The following CPB2 variants were observed in gnomAD, a reference collection of about 807,000 sequenced individuals.
CPB2 encodes the protein carboxypeptidase B-like protein.
In CPB2, 54 loss-of-function variants were observed where a neutral mutation model predicts 57.0. The ratio of observed to expected loss-of-function variants is 0.95; its 90% CI spans 0.76 to 1.19. The LOEUF (loss-of-function observed/expected upper bound fraction) is 1.19, where lower values mean the gene tolerates loss of function less well. CPB2 is among the 50% of genes most tolerant of loss of function. The probability of loss-of-function intolerance (pLI) is 0.00; values close to 1 mark genes in which losing one functional copy is unlikely to be tolerated. For missense variants in CPB2, 426 were observed against 512.0 expected, an observed-to-expected ratio of 0.83 and a Z score of 1.62; for synonymous variants, 189 against 178.1, an observed-to-expected ratio of 1.06 and a Z score of -0.49.
rs139468136 is a variant in CPB2, at chr13:46,058,334, A to G, written c.844T>C (p.Tyr282His). 1.9e-6 allele frequency: 3 copies of G among 1,613,968 alleles called. No individual in the cohort carries two copies. In the African/African-American group the frequency reaches 4.0e-5, roughly 22 times the overall value. ...SSCSETYCGL[Y>H]PESEPEVKAV... ...TTCACTTCTGGTTCTGACTCAGGAT[A>G]AAGTCCACAGTAGGTTTCCGAGCAT... Residue 282 changes from tyrosine (Y) to histidine (H), a missense_variant, in exon 9 of 11, where the codon TAT becomes CAT. Coordinates refer to ENST00000181383, the MANE Select transcript of CPB2 (RefSeq NM_001872.5).
In CPB2 at chr13:46,089,660, G is replaced by A. The variant is rs17844183; in HGVS notation, c.75-1840C>T. Among the ~76,000 whole-genome samples, 1,370 of 152,252 alleles carry A rather than the reference G, an allele frequency of 9.0e-3. 21 individuals carry two copies. Among genetic ancestry groups the A allele is most frequent in the African/African-American group, 0.032 (1,318 of 41,524 alleles). On this transcript the variant is annotated intron_variant, in intron 1 of 10. Coordinates refer to ENST00000181383, the MANE Select transcript of CPB2 (RefSeq NM_001872.5). ...GTATTAGGAGATGAGGGTTTTGGGA[G>A]GTGATTAGGTCATAAGGGGAGAGGC...
chr13:46,099,925 T>G (rs1429999922), intron 1 of CPB2: 2 of 152,120 alleles, frequency 1.3e-5, no homozygotes, highest in Admixed American at 1.3e-4. Context: ...CTCAGAAGGC[T>G]GAAGCACGAG....
intron 1 of CPB2, among the ~76,000 whole-genome samples, chr13:46,104,131 C>T (rs1023421948): frequency 6.6e-6 from 1 of 152,102 alleles, no homozygotes; most frequent in Non-Finnish European, 1.5e-5. Flanking sequence ...TTCCTTGTCA[C>T]TGGTATATTC....
chr13:46,077,895 T>C (rs1335916656), intron 5 of CPB2, among the ~76,000 whole-genome samples: 1 of 152,012 alleles, frequency 6.6e-6, no homozygotes, highest in Non-Finnish European at 1.5e-5. Flanking sequence ...GTTGATCTCA[T>C]AGAGGTAGAG....
chr13:46,070,570 TTCC>T (rs2044925152), intron 6 of CPB2, among the ~76,000 whole-genome samples: 1 of 151,990 alleles, frequency 6.6e-6, no homozygotes, highest in African/African-American at 2.4e-5. Context: ...ACAACAACAA[TTCC>T]TGCCTAGGAA....
At chr13:46,097,745 G>A (rs2045385636) in intron 1 of CPB2, among the ~76,000 whole-genome samples, 1 of 152,320 alleles carries the variant, frequency 6.6e-6, no homozygotes, top group Middle Eastern at 3.4e-3. Flanking sequence ...ATGTGGTGCT[G>A]TGTCCCTACT....
chr13:46,078,133 T>C (rs1267456564), intron 5 of CPB2, among the ~76,000 whole-genome samples: 2 of 152,132 alleles, frequency 1.3e-5, no homozygotes, highest in Non-Finnish European at 2.9e-5. Flanking sequence ...TTACACATTG[T>C]ATGCATGTAT....
intron 6 of CPB2, among the ~76,000 whole-genome samples, chr13:46,071,522 T>G (rs538164891): frequency 6.6e-6 from 1 of 152,268 alleles, no homozygotes; most frequent in African/African-American, 2.4e-5. Flanking sequence ...GAAGATACAT[T>G]GTTAGGTGAC....
intron 6 of CPB2, chr13:46,073,459 G>T: frequency 1.0e-6 from 1 of 979,990 alleles, no homozygotes; most frequent in Non-Finnish European, 1.2e-6. Flanking sequence ...CTGTAATGTT[G>T]TGCTTTATGT....
At chr13:46,086,721 G>A (rs17844027) in intron 2 of CPB2, among the ~76,000 whole-genome samples, 25,198 of 152,222 alleles carry the variant, frequency 0.17, 2,889 homozygotes, top group Non-Finnish European at 0.25. Flanking sequence ...TGCCTCCTAC[G>A]GCTATTTATG....
intron 5 of CPB2, among the ~76,000 whole-genome samples, chr13:46,074,929 C>G (rs913616563): frequency 2.6e-5 from 4 of 152,186 alleles, no homozygotes; most frequent in African/African-American, 9.6e-5. Flanking sequence ...ACTGATCTGA[C>G]AGGAAGCATT....
At chr13:46,055,241 A>G (rs2044681822) in intron 10 of CPB2, among the ~76,000 whole-genome samples, 1 of 152,132 alleles carries the variant, frequency 6.6e-6, no homozygotes, top group African/African-American at 2.4e-5. Flanking sequence ...TTACTCACTA[A>G]ATATCTTTCA....
intron 1 of CPB2, among the ~76,000 whole-genome samples, chr13:46,088,418 T>C (rs138880034): frequency 2.1e-3 from 319 of 152,384 alleles, no homozygotes; most frequent in Non-Finnish European, 3.4e-3. Flanking sequence ...ATACTATATG[T>C]ATTCTTCTGA....
intron 8 of CPB2, among the ~76,000 whole-genome samples, chr13:46,063,021 G>T (rs1214792651): frequency 2.0e-5 from 3 of 152,146 alleles, no homozygotes; most frequent in Non-Finnish European, 2.9e-5. Flanking sequence ...TCCCTTATGG[G>T]CCCCATGGAG....
chr13:46,064,259 CA>C (rs1273526486), intron 8 of CPB2, among the ~76,000 whole-genome samples: 13 of 145,660 alleles, frequency 8.9e-5, no homozygotes, highest in Admixed American at 6.8e-5. Flanking sequence ...GACTCTGTCT[CA>C]AAAAAAAAAG....
At chr13:46,084,673 G>C (rs1297405119) in intron 2 of CPB2, among the ~76,000 whole-genome samples, 1 of 151,910 alleles carries the variant, frequency 6.6e-6, no homozygotes, top group Non-Finnish European at 1.5e-5. Context: ...TCAGATATTT[G>C]AAAGGAAACA....
intron 1 of CPB2, among the ~76,000 whole-genome samples, chr13:46,088,156 A>G (rs1448791290): frequency 6.6e-6 from 1 of 152,196 alleles, no homozygotes; most frequent in Non-Finnish European, 1.5e-5. Context: ...CTAGTTAATT[A>G]TACAATAAAA....
At position 46,081,224 on chromosome 13, in the gene CPB2, C is replaced by G. The variant is rs17844210; in HGVS notation, c.384+1217G>C. Among the ~76,000 whole-genome samples, 713 of 152,272 alleles carry G rather than the reference C, an allele frequency of 4.7e-3. 4 individuals carry two copies. Among genetic ancestry groups the G allele is most frequent in the African/African-American group, 0.016 (659 of 41,542 alleles). On this transcript the variant is annotated intron_variant, in intron 4 of 10. Transcript: ENST00000181383. ...TTTTTCCTCCTGTGTCATTCCAACT[C>G]TTTCCTGAACATATCGTAAGAAAAC...
chr13:46,063,027 T>A (rs771543408), intron 8 of CPB2, among the ~76,000 whole-genome samples: 2 of 152,212 alleles, frequency 1.3e-5, no homozygotes, highest in Non-Finnish European at 2.9e-5. Flanking sequence ...ATGGGCCCCA[T>A]GGAGCCCAAA....
Sources: gnomAD v4.1 joint callset for allele counts (sites outside exome capture counted in the v4.1 genomes callset) on GRCh38, gnomAD v4.1.1 for gene constraint, MANE v1.5 for transcripts, NCBI Gene and HGNC (gene_info 2026-07-23, HGNC 2026-07-21) for gene names.